The following STPG4 variants were observed in gnomAD, a reference collection of about 807,000 sequenced individuals.
STPG4 encodes the protein protein STPG4.
STPG4 carries 41 observed loss-of-function variants against 31.5 expected under a neutral mutation model. That is an observed-to-expected ratio of 1.30 (90% CI 1.01 to 1.69). STPG4 has a LOEUF of 1.69. Among genes scored for constraint, STPG4 ranks in the 40% most tolerant of loss-of-function variants. The probability of loss-of-function intolerance (pLI) is 0.00; values close to 1 mark genes in which losing one functional copy is unlikely to be tolerated. For missense variants in STPG4, 375 were observed against 293.4 expected (o/e 1.28, Z -2.03); for synonymous variants, 141 against 103.0 (o/e 1.37, Z -2.24).
At chr2:47,117,240 G>A (rs528215927) in intron 5 of STPG4, among the ~76,000 whole-genome samples, 12 of 152,208 alleles carry the variant, frequency 7.9e-5, no homozygotes, top group Non-Finnish European at 7.4e-5. Context: ...AAGGACTTTC[G>A]CTCTTGTTGC....
rs1041193131 is a variant in STPG4, at chr2:47,087,089, G to C, written c.666C>G (p.Phe222Leu). Reference protein sequence around the residue: ...GPGAYTTLRQFPKQSPTIAKM... With the variant: ...GPGAYTTLRQLPKQSPTIAKM... ...TGGCTATGGTCGGAGACTGCTTAGG[G>C]AATTGTCTTAAAGTTGTATATGCTC... The change falls in exon 7 of 7, where the codon TTC becomes TTG. Residue 222 changes from phenylalanine to leucine, a missense_variant. Transcript: ENST00000445927. 5 of 1,551,680 alleles carry C rather than the reference G, an allele frequency of 3.2e-6. No homozygotes were observed. The highest frequency in any genetic ancestry group is 4.9e-5 in the East Asian group (2 of 40,934).
chr2:47,093,798 G>A, intron 5 of STPG4, among the ~76,000 whole-genome samples: 1 of 152,176 alleles, frequency 6.6e-6, no homozygotes, highest in East Asian at 1.9e-4. Context: ...CTTTAAGAGG[G>A]AGCACTGAGG....
intron 5 of STPG4, among the ~76,000 whole-genome samples, chr2:47,111,718 C>T (rs569121683): frequency 8.5e-5 from 13 of 152,186 alleles, no homozygotes; most frequent in South Asian, 2.1e-4. Context: ...TGTCCTCTGG[C>T]GTCTACCCCA....
intron 5 of STPG4, among the ~76,000 whole-genome samples, chr2:47,111,621 A>G (rs1183992874): frequency 1.3e-5 from 2 of 152,174 alleles, no homozygotes; most frequent in African/African-American, 4.8e-5. Flanking sequence ...CAAGGAGCTA[A>G]AAGTGAATGG....
intron 5 of STPG4, among the ~76,000 whole-genome samples, chr2:47,113,398 T>C (rs1320642312): frequency 6.6e-6 from 1 of 152,030 alleles, no homozygotes; most frequent in Non-Finnish European, 1.5e-5. Context: ...ACCCAACAGA[T>C]AACTGGGCAA....
At chr2:47,128,702 C>T (rs573475205) in intron 5 of STPG4, among the ~76,000 whole-genome samples, 278 of 152,200 alleles carry the variant, frequency 1.8e-3, no homozygotes, top group Non-Finnish European at 3.2e-3. Flanking sequence ...CCCTCTGGCC[C>T]AGTGGGAGTC....
chr2:47,097,845 C>G (rs1452217968), intron 5 of STPG4, among the ~76,000 whole-genome samples: 1 of 151,850 alleles, frequency 6.6e-6, no homozygotes, highest in African/African-American at 2.4e-5. Flanking sequence ...GGGCTGGATG[C>G]AGTGGCTCAC....
intron 5 of STPG4, among the ~76,000 whole-genome samples, chr2:47,091,454 T>C (rs1685567862): frequency 6.6e-6 from 1 of 152,256 alleles, no homozygotes; most frequent in Admixed American, 6.5e-5. Context: ...TGGATAATGC[T>C]AACATGATGT....
chr2:47,130,602 G>A (rs948635269), intron 3 of STPG4, among the ~76,000 whole-genome samples: 1 of 151,906 alleles, frequency 6.6e-6, no homozygotes, highest in East Asian at 1.9e-4. Flanking sequence ...TGCAGCCTCC[G>A]CCTCCCCAGT....
At chr2:47,090,043 G>A (rs543268871) in intron 6 of STPG4, among the ~76,000 whole-genome samples, 1 of 152,286 alleles carries the variant, frequency 6.6e-6, no homozygotes, top group African/African-American at 2.4e-5. Context: ...CACAGATTTT[G>A]GGCCTGGAGT....
intron 5 of STPG4, among the ~76,000 whole-genome samples, chr2:47,126,772 T>C (rs1006233131): frequency 6.6e-6 from 1 of 152,184 alleles, no homozygotes; most frequent in Non-Finnish European, 1.5e-5. Context: ...ATTTTAAGGA[T>C]TTTTTACTGA....
intron 3 of STPG4, among the ~76,000 whole-genome samples, chr2:47,137,230 T>C (rs536097150): frequency 1.3e-5 from 2 of 152,362 alleles, no homozygotes; most frequent in African/African-American, 4.8e-5. Flanking sequence ...TTTCTGCATC[T>C]ATTGACATGA....
At chr2:47,089,817 T>C (rs1685532697) in intron 6 of STPG4, among the ~76,000 whole-genome samples, 1 of 151,956 alleles carries the variant, frequency 6.6e-6, no homozygotes, top group Admixed American at 6.6e-5. Flanking sequence ...TTTTTGGGGG[T>C]GGGGTGATCG....
chr2:47,151,208 G>T (rs376146434), intron 3 of STPG4, 50 bp downstream of exon 3: 3 of 1,599,746 alleles, frequency 1.9e-6, no homozygotes, highest in Non-Finnish European at 1.7e-6. Flanking sequence ...CTTTCCTCAG[G>T]GGCTCTTAGT....
intron 5 of STPG4, among the ~76,000 whole-genome samples, chr2:47,101,717 G>A (rs895783390): frequency 9.9e-5 from 15 of 151,776 alleles, no homozygotes; most frequent in African/African-American, 3.4e-4. Flanking sequence ...CAGACTAACA[G>A]GCCTAACAAA....
intron 5 of STPG4, among the ~76,000 whole-genome samples, chr2:47,114,359 T>G (rs929755408): frequency 6.6e-6 from 1 of 151,632 alleles, no homozygotes; most frequent in African/African-American, 2.4e-5. Flanking sequence ...ACAAAAAAAT[T>G]AGCCAGGCAT....
At chr2:47,119,635 G>A (rs1450316660) in intron 5 of STPG4, among the ~76,000 whole-genome samples, 1 of 151,926 alleles carries the variant, frequency 6.6e-6, no homozygotes, top group Non-Finnish European at 1.5e-5. Context: ...CTGAACACAT[G>A]CATTTATCTC....
chr2:47,139,186 G>C (rs533373181), intron 3 of STPG4, among the ~76,000 whole-genome samples: 65 of 152,200 alleles, frequency 4.3e-4, no homozygotes, highest in Non-Finnish European at 5.0e-4. Context: ...TTCTGATAGA[G>C]GGGTATTTAT....
chr2:47,138,275 C>G (rs1043688443), intron 3 of STPG4, among the ~76,000 whole-genome samples: 1 of 152,134 alleles, frequency 6.6e-6, no homozygotes, highest in Admixed American at 6.5e-5. Flanking sequence ...TTAATCTCCA[C>G]ATATTTTGGG....
Sources: allele counts gnomAD v4.1 joint callset (sites outside exome capture counted in the v4.1 genomes callset), GRCh38; gene constraint gnomAD v4.1.1; transcripts MANE v1.5; gene names NCBI Gene and HGNC (gene_info 2026-07-23, HGNC 2026-07-21).